The following MAP3K3 variants were observed in gnomAD, a reference collection of about 807,000 sequenced individuals.
The protein encoded by MAP3K3 is mitogen-activated protein kinase kinase kinase 3.
In MAP3K3, 12 loss-of-function variants were observed where a neutral mutation model predicts 80.9. The ratio of observed to expected loss-of-function variants is 0.15; its 90% CI spans 0.10 to 0.24. MAP3K3 has a LOEUF of 0.24. Ranked by LOEUF, MAP3K3 falls within the 10% of genes least tolerant of loss-of-function variation. The pLI is 1.00. For missense variants in MAP3K3, 596 were observed against 834.7 expected, an observed-to-expected ratio of 0.71 and a Z score of 3.52; for synonymous variants, 272 against 307.1, an observed-to-expected ratio of 0.89 and a Z score of 1.19.
intron 12 of MAP3K3, 67 bp downstream of exon 12, chr17:63,690,479 G>C (rs2035562620): frequency 6.5e-7 from 1 of 1,544,456 alleles, no homozygotes. Context: ...TTACCACACA[G>C]AGTAGTTGCC....
intron 3 of MAP3K3, among the ~76,000 whole-genome samples, chr17:63,650,170 C>A (rs886356063): frequency 6.6e-6 from 1 of 152,228 alleles, no homozygotes; most frequent in Non-Finnish European, 1.5e-5. Flanking sequence ...TAGCCACTTA[C>A]AATTCTTCTG....
At chr17:63,642,723 G>T (rs530907134) in intron 2 of MAP3K3, among the ~76,000 whole-genome samples, 2 of 152,132 alleles carry the variant, frequency 1.3e-5, no homozygotes, top group South Asian at 4.2e-4. Context: ...GTGTGTGTGT[G>T]TTTTTAACCT....
intron 2 of MAP3K3, 137 bp from the exon 3 acceptor site, chr17:63,645,897 G>C (rs2034531793): frequency 1.5e-6 from 1 of 684,186 alleles, no homozygotes; most frequent in African/African-American, 1.8e-5. Flanking sequence ...ATGCCCATCT[G>C]GGAAGAGAAG....
chr17:63,674,939 A>G (rs1598105839), intron 6 of MAP3K3, among the ~76,000 whole-genome samples: 1 of 152,352 alleles, frequency 6.6e-6, no homozygotes, highest in East Asian at 1.9e-4. Flanking sequence ...AGCAGTGCTC[A>G]GGACCAGCTT....
intron 2 of MAP3K3, among the ~76,000 whole-genome samples, chr17:63,641,109 G>A (rs893450914): frequency 6.6e-6 from 1 of 152,044 alleles, no homozygotes. Context: ...TGTATATCAG[G>A]TACTGTTCTA....
intron 6 of MAP3K3, among the ~76,000 whole-genome samples, chr17:63,681,267 C>A (rs886725354): frequency 2.0e-5 from 3 of 151,968 alleles, no homozygotes; most frequent in African/African-American, 7.3e-5. Flanking sequence ...GAGACACTGG[C>A]TGGGGGAACA....
Position 63,692,078 on chromosome 17 carries a change from A to G in MAP3K3, c.1475-164A>G, listed in dbSNP as rs1300182748. 1.3e-5 allele frequency among the ~76,000 whole-genome samples: 2 copies of G among 152,182 alleles called. No homozygotes were observed. The highest frequency in any genetic ancestry group is 2.9e-5 in the Non-Finnish European group (2 of 68,040). On this transcript the variant is annotated intron_variant, in intron 14 of 15. Transcript: ENST00000361733. The surrounding 1 kb of genome is among the most constrained non-coding windows in gnomAD (Gnocchi z 4.5). ...CTTGGAGATGGTCATTTTGTGCGGT[A>G]GATCTGAGACTCCCCTTTGCTAAAT...
chr17:63,663,307 G>A (rs1487168308), intron 5 of MAP3K3, among the ~76,000 whole-genome samples: 5 of 151,914 alleles, frequency 3.3e-5, no homozygotes, highest in African/African-American at 4.8e-5. Context: ...ATTTGATACC[G>A]GCCTGACCAA....
At chr17:63,633,227 C>G (rs1474520157) in intron 2 of MAP3K3, among the ~76,000 whole-genome samples, 1 of 146,646 alleles carries the variant, frequency 6.8e-6, no homozygotes, top group African/African-American at 2.5e-5. Context: ...GAAACTCTGT[C>G]TCAAAAAAAA....
In MAP3K3 at chr17:63,652,562, T is replaced by G; in HGVS notation, c.173T>G (p.Ile58Arg). ...TTCTTTCTGTTTCTTTTCAGAATTATAGCGTTCAGCCGGCCTGTGAAATAT... is the reference window on the plus strand; with the variant it reads ...TTCTTTCTGTTTCTTTTCAGAATTAGAGCGTTCAGCCGGCCTGTGAAATAT... ...KFEHNGERRI[I>R]AFSRPVKYED... The change falls in exon 4 of 16, where the codon ATA (isoleucine) becomes AGA (arginine). Residue 58 changes from isoleucine to arginine, a missense_variant. By Grantham distance (97) the Ile-to-Arg change is moderately conservative. Coordinates refer to ENST00000361733, the MANE Select transcript of MAP3K3 (RefSeq NM_002401.5). The G allele has an allele frequency of 1.9e-6, 3 of 1,612,106 alleles. No individual in the cohort carries two copies. Among genetic ancestry groups the G allele is most frequent in the Non-Finnish European group, 2.5e-6 (3 of 1,178,184 alleles).
chr17:63,666,317 A>T (rs1284164425), intron 5 of MAP3K3, among the ~76,000 whole-genome samples: 1 of 152,160 alleles, frequency 6.6e-6, no homozygotes, highest in Non-Finnish European at 1.5e-5. Flanking sequence ...TGGGAAAAAG[A>T]AGCAAATTGA....
At chr17:63,660,669 C>T (rs898302455) in intron 5 of MAP3K3, among the ~76,000 whole-genome samples, 2 of 151,616 alleles carry the variant, frequency 1.3e-5, no homozygotes, top group Non-Finnish European at 2.9e-5. Flanking sequence ...CTTGGCTCAC[C>T]GCAACCTCTG....
chr17:63,668,046 G>A (rs1252627340), intron 6 of MAP3K3: 2 of 151,182 alleles, frequency 1.3e-5, no homozygotes, highest in Non-Finnish European at 2.9e-5. Context: ...GTATCAAAAG[G>A]GAAATCTGGT....
chr17:63,692,500 G>T lies in MAP3K3; in HGVS notation c.1652+81G>T. Reference sequence around the variant, plus strand: ...ATTAGAAACACACCCTGGGGACTTTGTGGTGTGGCAGGAGGGAGTGTGCCC... The same window carrying T: ...ATTAGAAACACACCCTGGGGACTTTTTGGTGTGGCAGGAGGGAGTGTGCCC... On this transcript the variant is annotated intron_variant, in intron 15 of 15. Transcript: ENST00000361733. The surrounding 1 kb of genome is among the most constrained non-coding windows in gnomAD (Gnocchi z 4.5). 7.0e-7 allele frequency: 1 copy of T among 1,438,650 alleles called. No individual in the cohort carries two copies. The highest frequency in any genetic ancestry group is 9.3e-7 in the Non-Finnish European group (1 of 1,075,352). 89.1% of individuals were successfully genotyped at this position (1,438,650 alleles called of 1,614,324 possible). A position where few individuals can be genotyped will look rare whatever the true frequency, so the allele number is the denominator to read the frequency against.
At chr17:63,631,908 C>T (rs913946549) in intron 1 of MAP3K3, among the ~76,000 whole-genome samples, 2 of 152,166 alleles carry the variant, frequency 1.3e-5, no homozygotes, top group Admixed American at 6.5e-5. Context: ...CTGTTCAAAG[C>T]AGTTACCTGA....
At chr17:63,644,190 A>G (rs2034498376) in intron 2 of MAP3K3, among the ~76,000 whole-genome samples, 1 of 152,136 alleles carries the variant, frequency 6.6e-6, no homozygotes, top group Non-Finnish European at 1.5e-5. Context: ...TCCATGTGTT[A>G]TCTTACAGGA....
chr17:63,623,996 T>A (rs1029552284), intron 1 of MAP3K3, among the ~76,000 whole-genome samples: 1 of 152,180 alleles, frequency 6.6e-6, no homozygotes, highest in Non-Finnish European at 1.5e-5. Context: ...ATGAATTGCC[T>A]TGTTCTAGTT....
chr17:63,648,147 T>C (rs1348527775), intron 3 of MAP3K3, among the ~76,000 whole-genome samples: 6 of 152,354 alleles, frequency 3.9e-5, no homozygotes, highest in Admixed American at 2.6e-4. Flanking sequence ...ATGCCTGTTA[T>C]TCAATAGGAT....
intron 4 of MAP3K3, among the ~76,000 whole-genome samples, chr17:63,657,456 T>C (rs1466360372): frequency 1.3e-5 from 2 of 152,042 alleles, no homozygotes; most frequent in Non-Finnish European, 2.9e-5. Context: ...TCAATAGAGA[T>C]AGAAAGTAGA....
Sources: allele counts gnomAD v4.1 joint callset (sites outside exome capture counted in the v4.1 genomes callset), GRCh38; gene constraint gnomAD v4.1.1; non-coding constraint Gnocchi (gnomAD v3.1); transcripts MANE v1.5; gene names NCBI Gene and HGNC (gene_info 2026-07-23, HGNC 2026-07-21).